Variants in SLC36A1 observed in about 807,000 individuals in gnomAD.
SLC36A1 encodes solute carrier family 36 member 1, also known as proton-coupled amino acid transporter 1.
Under a neutral mutation model 47.5 loss-of-function variants are expected in SLC36A1, and 30 were observed. The observed-to-expected ratio is 0.63, with a 90% CI of 0.47 to 0.86. SLC36A1 has a LOEUF of 0.86. Among genes scored for constraint, SLC36A1 ranks in the 40% least tolerant of loss-of-function variants. SLC36A1 has a pLI of 0.00. For missense variants in SLC36A1, 517 were observed against 606.0 expected (o/e 0.85, Z 1.54); for synonymous variants, 255 against 249.7 (o/e 1.02, Z -0.20).
At chr5:151,353,000 A>G in the SLC36A1 span, among the ~76,000 whole-genome samples, 3 of 152,220 alleles carry the variant, frequency 2.0e-5, no homozygotes, top group African/African-American at 4.8e-5. Flanking sequence ...TAAGGGTCTT[A>G]TGACCCACAA....
In SLC36A1 at chr5:151,476,493, A is replaced by T. The variant is rs923677142; in HGVS notation, c.823-97A>T. ...GATGTGCTTCTGGAGAATTCTGGGG[A>T]TAAAAGAGTTACTTTTTTTCTGAGG... is the stretch of plus-strand genomic sequence containing the variant. On this transcript the variant is annotated intron_variant, in intron 8 of 10. Transcript: ENST00000243389. 10 of 966,654 alleles carry T rather than the reference A, an allele frequency of 1.0e-5. 1 individual carries two copies. The highest frequency in any genetic ancestry group is 1.4e-5 in the Non-Finnish European group (9 of 653,430). The allele number at this position is 966,654 out of a possible 1,614,324, so 59.9% of individuals were successfully genotyped here.
chr5:151,442,107 G>A (rs1581025703), intron 1 of SLC36A1, among the ~76,000 whole-genome samples: 2 of 151,986 alleles, frequency 1.3e-5, no homozygotes, highest in East Asian at 3.9e-4. Flanking sequence ...TTTTGTAGCT[G>A]TATTAATAGT....
the SLC36A1 span, among the ~76,000 whole-genome samples, chr5:151,349,144 G>C: frequency 1.3e-5 from 2 of 152,160 alleles, no homozygotes; most frequent in East Asian, 1.9e-4. Context: ...GTTCCTGCTC[G>C]AGCAAGGTCA....
chr5:151,492,994 G>A (rs1760230896), downstream of SLC36A1, among the ~76,000 whole-genome samples: 2 of 152,206 alleles, frequency 1.3e-5, no homozygotes, highest in East Asian at 1.9e-4. Flanking sequence ...GTCTCTCTAT[G>A]TGTATCTGTG....
At chr5:151,423,762 G>A in the SLC36A1 span, among the ~76,000 whole-genome samples, 1 of 152,216 alleles carries the variant, frequency 6.6e-6, no homozygotes, top group Non-Finnish European at 1.5e-5. Context: ...AACACCAAAA[G>A]TGAACCCTAA....
At chr5:151,347,801 T>G in the SLC36A1 span, among the ~76,000 whole-genome samples, 1 of 152,218 alleles carries the variant, frequency 6.6e-6, no homozygotes, top group South Asian at 2.1e-4. Context: ...TACTAAGGGA[T>G]AAGCAATCCT....
At chr5:151,357,915 G>C in the SLC36A1 span, among the ~76,000 whole-genome samples, 29 of 152,194 alleles carry the variant, frequency 1.9e-4, no homozygotes, top group African/African-American at 7.0e-4. Flanking sequence ...GTTTAATTGA[G>C]CAAAGAATGA....
the SLC36A1 span, among the ~76,000 whole-genome samples, chr5:151,374,159 C>G: frequency 6.6e-6 from 1 of 152,096 alleles, no homozygotes; most frequent in Non-Finnish European, 1.5e-5. Context: ...AGACACCTAC[C>G]CTGGCCAGAA....
At chr5:151,553,820 G>C in the SLC36A1 span, among the ~76,000 whole-genome samples, 5 of 152,230 alleles carry the variant, frequency 3.3e-5, no homozygotes, top group South Asian at 1.0e-3. Context: ...AATAACCTTG[G>C]AAGAGGTCCT....
At chr5:151,443,073 G>A (rs1752716791), upstream of SLC36A1, among the ~76,000 whole-genome samples, 1 of 152,102 alleles carries the variant, frequency 6.6e-6, no homozygotes, top group Admixed American at 6.5e-5. Context: ...TATCTTGGCT[G>A]TTGTGAATAA....
At chr5:151,517,756 G>A in the SLC36A1 span, 1 of 1,614,174 alleles carries the variant, frequency 6.2e-7, no homozygotes, top group Non-Finnish European at 8.5e-7. Context: ...ACTGAACCTT[G>A]TAGCAGTACC....
At chr5:151,369,769 A>G in the SLC36A1 span, among the ~76,000 whole-genome samples, 1 of 152,182 alleles carries the variant, frequency 6.6e-6, no homozygotes, top group Non-Finnish European at 1.5e-5. Context: ...GGCATAAGCC[A>G]CTGTGCCTGG....
the SLC36A1 span, among the ~76,000 whole-genome samples, chr5:151,371,289 C>T: frequency 6.6e-6 from 1 of 152,122 alleles, no homozygotes; most frequent in Non-Finnish European, 1.5e-5. Context: ...TTCTTATGTA[C>T]TTTAATTTTC....
In SLC36A1 at chr5:151,468,273, ATATATATATATATATATATATTT is replaced by A. The variant is rs758825188; in HGVS notation, c.723+362_723+384del. 7.1e-4 allele frequency among the ~76,000 whole-genome samples: 66 copies of A among 93,320 alleles called. 6 individuals carry two copies. The East Asian group carries it at 0.019, about 27-fold the overall frequency. The allele number at this position is 93,320 out of a possible 152,430, so 61.2% of individuals were successfully genotyped here. A position where few individuals can be genotyped will look rare whatever the true frequency, so the allele number is the denominator to read the frequency against. ...TCTCAAAAAAAAAAAAAAAATATAT[ATATATATATATATATATATATTT>A]TATATATATATATTTACATATATGT... On this transcript the variant is annotated intron_variant, in intron 7 of 10. Coordinates refer to ENST00000243389, the MANE Select transcript of SLC36A1 (RefSeq NM_078483.4).
chr5:151,512,715 G>T, the SLC36A1 span: 1 of 1,054,766 alleles, frequency 9.5e-7, no homozygotes, highest in African/African-American at 1.6e-5. This position sits in a 1 kb window ranked among gnomAD's most constrained non-coding sequence, Gnocchi z 4.1. Flanking sequence ...GGTAGGAGGG[G>T]GGTGTTTGGC....
intron 10 of SLC36A1, chr5:151,479,820 A>G: frequency 5.7e-6 from 3 of 528,380 alleles, no homozygotes; most frequent in East Asian, 3.0e-5. Context: ...CATTTAACCC[A>G]TATCTGTAAT....
chr5:151,537,347 AG>A, the SLC36A1 span, among the ~76,000 whole-genome samples: 23 of 88,508 alleles, frequency 2.6e-4, no homozygotes, highest in African/African-American at 5.0e-4. Flanking sequence ...AGAAAAGAAA[AG>A]AAAAAAGAAG....
At chr5:151,526,221 A>G in the SLC36A1 span, among the ~76,000 whole-genome samples, 2 of 152,230 alleles carry the variant, frequency 1.3e-5, no homozygotes, top group South Asian at 2.1e-4. Flanking sequence ...AAGGATCCTT[A>G]GAGAACAAAG....
At chr5:151,381,155 G>A in the SLC36A1 span, 1 of 468,032 alleles carries the variant, frequency 2.1e-6, no homozygotes, top group Non-Finnish European at 4.2e-6. Context: ...GGCCATGGCT[G>A]TGTGGAAGGA....
Sources: allele counts gnomAD v4.1 joint callset (sites outside exome capture counted in the v4.1 genomes callset), GRCh38; gene constraint gnomAD v4.1.1; non-coding constraint Gnocchi (gnomAD v3.1); transcripts MANE v1.5; gene names NCBI Gene and HGNC (gene_info 2026-07-23, HGNC 2026-07-21).